Variants in DDAH1 observed in about 807,000 individuals in gnomAD.
DDAH1 encodes N(G),N(G)-dimethylarginine dimethylaminohydrolase 1.
A neutral mutation model predicts 28.8 loss-of-function variants in DDAH1; 19 were observed. The ratio of observed to expected loss-of-function variants is 0.66; its 90% CI spans 0.46 to 0.97. DDAH1 has a LOEUF of 0.97. DDAH1 is among the 50% of genes least tolerant of loss of function. The probability of loss-of-function intolerance (pLI) is 0.00; values close to 1 mark genes in which losing one functional copy is unlikely to be tolerated. For missense variants in DDAH1, 326 were observed against 375.9 expected, an observed-to-expected ratio of 0.87 and a Z score of 1.10; for synonymous variants, 153 against 154.4, an observed-to-expected ratio of 0.99 and a Z score of 0.07.
At chr1:85,357,117 C>A (rs1250053370) in intron 2 of DDAH1, among the ~76,000 whole-genome samples, 1 of 152,164 alleles carries the variant, frequency 6.6e-6, no homozygotes, top group Non-Finnish European at 1.5e-5. Flanking sequence ...AATGAAAGTG[C>A]CATCAACGGG....
At chr1:85,563,854 C>T (rs1170174217) in intron 1 of DDAH1, among the ~76,000 whole-genome samples, 2 of 152,076 alleles carry the variant, frequency 1.3e-5, no homozygotes, top group African/African-American at 4.8e-5. Flanking sequence ...TTTAAAAGAC[C>T]CAAGTCAAGC....
chr1:85,397,878 C>T (rs1260363055), intron 1 of DDAH1, among the ~76,000 whole-genome samples: 3 of 152,162 alleles, frequency 2.0e-5, no homozygotes, highest in African/African-American at 4.8e-5. Flanking sequence ...TCTACTGACT[C>T]CCCTAGCCTC....
chr1:85,543,568 A>G (rs1658532409), intron 1 of DDAH1, among the ~76,000 whole-genome samples: 2 of 152,224 alleles, frequency 1.3e-5, no homozygotes, highest in African/African-American at 4.8e-5. Flanking sequence ...GGTTAAAGAA[A>G]GGAGAACACT....
chr1:85,556,508 G>C (rs944665347), intron 1 of DDAH1, among the ~76,000 whole-genome samples: 3 of 152,140 alleles, frequency 2.0e-5, no homozygotes, highest in Non-Finnish European at 4.4e-5. Context: ...GCTTAATGAG[G>C]TAGATACCAC....
chr1:85,413,175 C>T (rs573914781), intron 1 of DDAH1, among the ~76,000 whole-genome samples: 2 of 152,256 alleles, frequency 1.3e-5, no homozygotes, highest in South Asian at 2.1e-4. Flanking sequence ...AAATTTAGTG[C>T]ACTTTAAACA....
chr1:85,548,892 T>C (rs1658707114), intron 1 of DDAH1, among the ~76,000 whole-genome samples: 1 of 152,112 alleles, frequency 6.6e-6, no homozygotes, highest in African/African-American at 2.4e-5. Flanking sequence ...ATGAAACAGG[T>C]CTCCTTATTA....
chr1:85,499,156 C>T (rs1233918804), intron 1 of DDAH1, among the ~76,000 whole-genome samples: 2 of 151,802 alleles, frequency 1.3e-5, no homozygotes, highest in Admixed American at 6.6e-5. Flanking sequence ...AAAAGAGATG[C>T]TTTATGTATA....
intron 2 of DDAH1, among the ~76,000 whole-genome samples, chr1:85,487,869 T>G (rs1656257922): frequency 6.6e-6 from 1 of 152,122 alleles, no homozygotes; most frequent in Non-Finnish European, 1.5e-5. Context: ...ACATTGGCAC[T>G]CTTTTCTCCC....
rs148589745 is a variant in DDAH1 at position 85,547,618 on chromosome 1, G to T, written c.-123+30366C>A. On this transcript the variant is annotated intron_variant, in intron 1 of 6. Coordinates refer to the DDAH1 transcript ENST00000426972. ...CTGCATTCCATCAACTACATTATAA[G>T]TTCCTCGAAGTGACAAAAGTGGTTT... 6.8e-4 allele frequency among the ~76,000 whole-genome samples: 104 copies of T among 152,248 alleles called. 3 individuals carry two copies. In the East Asian group the frequency reaches 9.3e-3, roughly 14 times the overall value.
chr1:85,480,451 A>C (rs1282184919), intron 2 of DDAH1, among the ~76,000 whole-genome samples: 2 of 152,166 alleles, frequency 1.3e-5, no homozygotes, highest in African/African-American at 2.4e-5. Flanking sequence ...CATCATTTTA[A>C]AAATCAGGAA....
chr1:85,345,188 G>A (rs1417774627), intron 4 of DDAH1, among the ~76,000 whole-genome samples: 2 of 152,118 alleles, frequency 1.3e-5, no homozygotes, highest in African/African-American at 4.8e-5. Flanking sequence ...TGAAAGAATA[G>A]AATATTTATT....
chr1:85,545,649 C>T (rs1658599477), intron 1 of DDAH1, among the ~76,000 whole-genome samples: 1 of 152,100 alleles, frequency 6.6e-6, no homozygotes, highest in African/African-American at 2.4e-5. Context: ...TAATTTCCTT[C>T]CCCTCCTCCT....
rs185904350 is a variant in DDAH1, at chr1:85,410,384, A to C, written c.304-51537T>G. On this transcript the variant is annotated intron_variant, in intron 1 of 5. Transcript: ENST00000284031. ...GCCGGGCATGGTGGCCCATGCCTGT[A>C]ATCCCAGCACTTTGGGAGGCTGAGG... Among the ~76,000 whole-genome samples the C allele has an allele frequency of 2.7e-3, 405 of 152,240 alleles. 2 individuals carry two copies. The highest frequency in any genetic ancestry group is 3.5e-3 in the Non-Finnish European group (240 of 68,008).
intron 4 of DDAH1, among the ~76,000 whole-genome samples, chr1:85,341,191 A>G (rs1198334561): frequency 6.6e-6 from 1 of 152,210 alleles, no homozygotes; most frequent in East Asian, 1.9e-4. Flanking sequence ...TGCAGAGATC[A>G]TTTCTCATCC....
In DDAH1 at chr1:85,324,933, C is replaced by G. The variant is rs760299209; in HGVS notation, c.598-50G>C. On this transcript the variant is annotated intron_variant, in intron 4 of 5. Coordinates refer to ENST00000284031, the MANE Select transcript of DDAH1 (RefSeq NM_012137.4). ...TAAGAAGAGTAACTCCCCACACTTT[C>G]AAACAGAAGGAAGGCAGTGTGGTAG... 5 of 1,601,970 alleles carry G rather than the reference C, an allele frequency of 3.1e-6. No homozygotes were observed. The African/African-American group carries it at 6.7e-5, about 21-fold the overall frequency.
intron 1 of DDAH1, among the ~76,000 whole-genome samples, chr1:85,382,033 G>A (rs1342482506): frequency 3.3e-5 from 5 of 152,142 alleles, no homozygotes; most frequent in Non-Finnish European, 7.3e-5. Flanking sequence ...TCAAGTGAAA[G>A]GAGGAATTGT....
intron 1 of DDAH1, among the ~76,000 whole-genome samples, chr1:85,453,936 G>C (rs1185511690): frequency 6.6e-6 from 1 of 152,114 alleles, no homozygotes; most frequent in Non-Finnish European, 1.5e-5. Flanking sequence ...ACACATGCTG[G>C]GGTTAAAGTA....
At chr1:85,388,542 C>T (rs1036093415) in intron 1 of DDAH1, among the ~76,000 whole-genome samples, 1 of 152,132 alleles carries the variant, frequency 6.6e-6, no homozygotes, top group Admixed American at 6.6e-5. Flanking sequence ...ACTAAATTTG[C>T]CTCATTTTTC....
chr1:85,517,836 T>C (rs1657525071), intron 1 of DDAH1, among the ~76,000 whole-genome samples: 1 of 152,136 alleles, frequency 6.6e-6, no homozygotes, highest in South Asian at 2.1e-4. Context: ...AGACCCTTCA[T>C]CAGTGACTCC....
Sources: allele counts gnomAD v4.1 joint callset (sites outside exome capture counted in the v4.1 genomes callset), GRCh38; gene constraint gnomAD v4.1.1; transcripts MANE v1.5; gene names NCBI Gene and HGNC (gene_info 2026-07-23, HGNC 2026-07-21).